The following SRBD1 variants were observed in gnomAD, a reference collection of about 807,000 sequenced individuals.
SRBD1 encodes S1 RNA-binding domain-containing protein 1.
In SRBD1, 88 loss-of-function variants were observed where a neutral mutation model predicts 115.3. The ratio of observed to expected loss-of-function variants is 0.76; its 90% CI spans 0.64 to 0.91. The LOEUF is 0.91. SRBD1 is among the 40% of genes least tolerant of loss of function. The pLI is 0.00. For synonymous variants in SRBD1, 509 were observed against 407.7 expected (o/e 1.25, Z -2.99); for missense variants, 1,385 against 1,177.4 (o/e 1.18, Z -2.58).
intron 7 of SRBD1, among the ~76,000 whole-genome samples, chr2:45,576,294 A>G (rs1673174909): frequency 6.6e-6 from 1 of 152,216 alleles, no homozygotes; most frequent in Middle Eastern, 3.2e-3. Flanking sequence ...TACAGTATAT[A>G]ACACATATAA....
In SRBD1 at chr2:45,495,222, C is replaced by A. The variant is rs116509104; in HGVS notation, c.1875-6891G>T. Among the ~76,000 whole-genome samples the A allele has an allele frequency of 6.2e-3, 939 of 152,276 alleles. 6 individuals carry two copies. The highest frequency in any genetic ancestry group is 0.021 in the African/African-American group (854 of 41,552). ...ACAAAATAAACCTAAAATGGACAGA[C>A]CCGAATTACCAACTAAAAAGCAGAG... On this transcript the variant is annotated intron_variant, in intron 14 of 20. Transcript: ENST00000263736.
rs1272751326 is a variant in SRBD1 at position 45,460,378 on chromosome 2, A to G, written c.2049+16615T>C. Among the ~76,000 whole-genome samples the G allele has an allele frequency of 3.3e-5, 5 of 152,210 alleles. No homozygotes were observed. In the South Asian group the frequency reaches 1.0e-3, roughly 32 times the overall value. On this transcript the variant is annotated intron_variant, in intron 16 of 20. Transcript: ENST00000263736. Reference sequence around the variant, plus strand: ...TAAAAGGCTGGTTGTATTTCACACCATATGAGGGGGGTTCTGAATGAGGAA... The same window carrying G: ...TAAAAGGCTGGTTGTATTTCACACCGTATGAGGGGGGTTCTGAATGAGGAA...
intron 16 of SRBD1, among the ~76,000 whole-genome samples, chr2:45,420,750 G>A (rs73925655): frequency 0.047 from 7,176 of 152,184 alleles, 564 homozygotes; most frequent in African/African-American, 0.16. Flanking sequence ...CCTTGATAAC[G>A]CAGCATTTCT....
At chr2:45,497,222 T>C (rs1670486888) in intron 14 of SRBD1, among the ~76,000 whole-genome samples, 1 of 152,242 alleles carries the variant, frequency 6.6e-6, no homozygotes, top group South Asian at 2.1e-4. Context: ...AGGAATTTAC[T>C]AACATGTGGT....
At chr2:45,484,736 T>A (rs1670064285) in intron 15 of SRBD1, among the ~76,000 whole-genome samples, 3 of 152,208 alleles carry the variant, frequency 2.0e-5, no homozygotes, top group Non-Finnish European at 4.4e-5. Flanking sequence ...CATTAAGCAG[T>A]CACTGTCCAT....
intron 19 of SRBD1, among the ~76,000 whole-genome samples, 193 bp downstream of exon 19, chr2:45,412,921 T>A (rs561596590): frequency 1.3e-5 from 2 of 152,306 alleles, no homozygotes; most frequent in South Asian, 4.1e-4. Flanking sequence ...TTGACAATGC[T>A]CCAGGAGTAA....
In SRBD1 at chr2:45,592,486, C is replaced by T. The variant is rs12468138; in HGVS notation, c.649-6712G>A. ...CCTCAGTGCCTGCTTGGGTCTCTTC[C>T]GAGCATACTTTCCTTTCCTTTCTTT... On this transcript the variant is annotated intron_variant, in intron 4 of 20. Transcript: ENST00000263736. Among the ~76,000 whole-genome samples the T allele has an allele frequency of 5.2e-3, 789 of 152,228 alleles. 1 individual carries two copies. Among genetic ancestry groups the T allele is most frequent in the Middle Eastern group, 0.01 (3 of 294 alleles).
At position 45,601,965 on chromosome 2, in the gene SRBD1, C is replaced by G; in HGVS notation, c.199G>C (p.Val67Leu). Reference protein sequence around the residue: ...KESKPKRMPRVKKNAPQISDG... With the variant: ...KESKPKRMPRLKKNAPQISDG... ...CTGATCTGTGGGGCATTCTTCTTCA[C>G]CCGAGGCATCCTCTTTGGTTTGGAT... Residue 67 changes from valine (V) to leucine (L), a missense_variant, in exon 3 of 21, where the codon GTG becomes CTG. Physicochemically the swap from Val to Leu is conservative, Grantham distance 32 (BLOSUM62 1). Coordinates refer to ENST00000263736, the MANE Select transcript of SRBD1 (RefSeq NM_018079.5). The G allele has an allele frequency of 6.2e-7, 1 of 1,614,242 alleles. No homozygotes were observed. The highest frequency in any genetic ancestry group is 8.5e-7 in the Non-Finnish European group (1 of 1,180,036).
intron 11 of SRBD1, among the ~76,000 whole-genome samples, chr2:45,552,639 A>G (rs1013657512): frequency 4.6e-5 from 7 of 152,256 alleles, no homozygotes; most frequent in South Asian, 4.1e-4. Context: ...CCTAATTTTT[A>G]AAGTGTATGC....
rs374392017 is a variant in SRBD1 at position 45,579,824 on chromosome 2, T to TAA, written c.1072+49_1072+50dup. 3.0e-4 allele frequency: 400 copies of TAA among 1,332,404 alleles called. 1 individual carries two copies. Among genetic ancestry groups the TAA allele is most frequent in the South Asian group, 4.3e-4 (24 of 55,620 alleles). The allele number at this position is 1,332,404 out of a possible 1,614,324, so 82.5% of individuals were successfully genotyped here. ...AGTTTTTTAACATACGTTTTTAAAT[T>TAA]AAAAAAAAAAAAAAAGAAACAAAGT... is the stretch of plus-strand genomic sequence containing the variant. On this transcript the variant is annotated intron_variant, in intron 7 of 20. Coordinates refer to ENST00000263736, the MANE Select transcript of SRBD1 (RefSeq NM_018079.5).
chr2:45,529,117 C>G (rs3770282), intron 14 of SRBD1, among the ~76,000 whole-genome samples: 3 of 151,682 alleles, frequency 2.0e-5, no homozygotes, highest in African/African-American at 7.3e-5. Flanking sequence ...TATAGTAAGA[C>G]CTCAGGCTTA....
intron 14 of SRBD1, among the ~76,000 whole-genome samples, chr2:45,526,149 C>T (rs1671435086): frequency 6.6e-6 from 1 of 151,956 alleles, no homozygotes; most frequent in African/African-American, 2.4e-5. Context: ...AAAACTTGTA[C>T]ACGAATGTTT....
At chr2:45,497,644 T>A (rs1490679387) in intron 14 of SRBD1, among the ~76,000 whole-genome samples, 1 of 152,174 alleles carries the variant, frequency 6.6e-6, no homozygotes, top group African/African-American at 2.4e-5. Flanking sequence ...TGATTTACAT[T>A]GCATAAAATT....
At chr2:45,520,772 G>A (rs1671258780) in intron 14 of SRBD1, among the ~76,000 whole-genome samples, 1 of 152,140 alleles carries the variant, frequency 6.6e-6, no homozygotes, top group South Asian at 2.1e-4. Flanking sequence ...AACTCCAGGG[G>A]AAGATCATCT....
chr2:45,394,705 A>C (rs1010896259), intron 19 of SRBD1, among the ~76,000 whole-genome samples: 3 of 152,212 alleles, frequency 2.0e-5, no homozygotes, highest in Admixed American at 6.5e-5. Context: ...CTCTCACTTA[A>C]GTAGGGCATC....
intron 16 of SRBD1, among the ~76,000 whole-genome samples, chr2:45,429,657 A>G (rs1668270559): frequency 6.6e-6 from 1 of 152,218 alleles, no homozygotes; most frequent in Non-Finnish European, 1.5e-5. Flanking sequence ...AAATAATAAG[A>G]GCTGTTTATG....
chr2:45,409,135 T>C (rs1278767428), intron 19 of SRBD1, among the ~76,000 whole-genome samples: 1 of 152,024 alleles, frequency 6.6e-6, no homozygotes, highest in Admixed American at 6.6e-5. Flanking sequence ...GGTGGGAGGA[T>C]TGCTTGAGCT....
chr2:45,471,688 AACTTT>A (rs1558417613), intron 16 of SRBD1, among the ~76,000 whole-genome samples: 2 of 152,144 alleles, frequency 1.3e-5, no homozygotes, highest in Admixed American at 6.6e-5. Flanking sequence ...ATCTTATTAC[AACTTT>A]ACTTAATTGT....
chr2:45,524,540 T>A (rs749373715), intron 14 of SRBD1, among the ~76,000 whole-genome samples: 8 of 152,012 alleles, frequency 5.3e-5, no homozygotes, highest in Non-Finnish European at 1.2e-4. Flanking sequence ...AAATTCCATT[T>A]ACAACAGCAT....
Sources: allele counts gnomAD v4.1 joint callset (sites outside exome capture counted in the v4.1 genomes callset), GRCh38; gene constraint gnomAD v4.1.1; transcripts MANE v1.5; gene names NCBI Gene and HGNC (gene_info 2026-07-23, HGNC 2026-07-21).